LDB2: variants seen among roughly 807,000 people sequenced by gnomAD.
LDB2 encodes LIM domain-binding protein 2.
Under a neutral mutation model 44.3 loss-of-function variants are expected in LDB2, and 12 were observed. That is an observed-to-expected ratio of 0.27 (90% CI 0.17 to 0.44). The LOEUF (loss-of-function observed/expected upper bound fraction) is 0.44. LDB2 is among the 20% of genes least tolerant of loss of function. LDB2 has a pLI of 1.00. For synonymous variants in LDB2, 164 were observed against 174.8 expected (o/e 0.94, Z 0.49); for missense variants, 344 against 473.5 (o/e 0.73, Z 2.54).
intron 1 of LDB2, among the ~76,000 whole-genome samples, chr4:16,791,634 C>T (rs571958660): frequency 2.7e-5 from 4 of 150,658 alleles, no homozygotes; most frequent in Non-Finnish European, 5.9e-5. Context: ...TAATCTTCCC[C>T]AGGCTTTAGA....
intron 2 of LDB2, among the ~76,000 whole-genome samples, chr4:16,623,131 A>G (rs533937991): frequency 3.3e-5 from 5 of 152,342 alleles, no homozygotes; most frequent in Middle Eastern, 3.4e-3. Flanking sequence ...TTCAATAAAT[A>G]TTCTTTGAAT....
At chr4:16,796,618 G>C (rs977260559) in intron 1 of LDB2, among the ~76,000 whole-genome samples, 4 of 152,034 alleles carry the variant, frequency 2.6e-5, no homozygotes, top group African/African-American at 4.8e-5. Flanking sequence ...GCTTGGGCTT[G>C]GGCTTAGTGA....
intron 3 of LDB2, among the ~76,000 whole-genome samples, chr4:16,590,767 C>A (rs1316364520): frequency 6.6e-6 from 1 of 152,202 alleles, no homozygotes; most frequent in Non-Finnish European, 1.5e-5. Context: ...GGCATGTGGG[C>A]ACATTGCCTC....
chr4:16,640,120 T>C (rs1734726134), intron 2 of LDB2, among the ~76,000 whole-genome samples: 1 of 152,254 alleles, frequency 6.6e-6, no homozygotes, highest in South Asian at 2.1e-4. Flanking sequence ...TTCTCCTTTG[T>C]AGTAGTTATG....
At chr4:16,645,453 C>T (rs1014224729) in intron 2 of LDB2, among the ~76,000 whole-genome samples, 1 of 146,604 alleles carries the variant, frequency 6.8e-6, no homozygotes, top group Non-Finnish European at 1.5e-5. Context: ...AGGAGAATGG[C>T]GTGAACCCGG....
chr4:16,803,148 C>T (rs35367718), intron 1 of LDB2, among the ~76,000 whole-genome samples: 16,391 of 152,098 alleles, frequency 0.11, 939 homozygotes, highest in South Asian at 0.19. Flanking sequence ...GTGCATTGGG[C>T]GAATATCACT....
chr4:16,586,778 T>C (rs1717137305), intron 4 of LDB2, among the ~76,000 whole-genome samples: 1 of 152,198 alleles, frequency 6.6e-6, no homozygotes, highest in Admixed American at 6.5e-5. Context: ...AAAATGACTC[T>C]CTTGGTTGAT....
chr4:16,586,104 A>G (rs1414627177), intron 4 of LDB2, 99 bp from the exon 5 acceptor site: 1 of 881,390 alleles, frequency 1.1e-6, no homozygotes, highest in Admixed American at 2.0e-5. Flanking sequence ...CAATCTCGAC[A>G]TTGTTGATTT....
chr4:16,780,999 T>C (rs1231043344), intron 1 of LDB2, among the ~76,000 whole-genome samples: 1 of 152,146 alleles, frequency 6.6e-6, no homozygotes, highest in Admixed American at 6.6e-5. Context: ...TCTGGGCATC[T>C]CTGGGGTTTA....
chr4:16,896,257 A>G (rs1346924756), intron 1 of LDB2, among the ~76,000 whole-genome samples: 3 of 152,208 alleles, frequency 2.0e-5, no homozygotes, highest in Non-Finnish European at 4.4e-5. Context: ...AATCTTTAAA[A>G]GTAATACCCC....
At chr4:16,871,795 A>T (rs867084621) in intron 1 of LDB2, among the ~76,000 whole-genome samples, 31 of 151,742 alleles carry the variant, frequency 2.0e-4, no homozygotes, top group African/African-American at 7.5e-4. Flanking sequence ...TAATTTTTGT[A>T]TTTTTTAGTA....
intron 1 of LDB2, among the ~76,000 whole-genome samples, chr4:16,775,873 A>G (rs1771773186): frequency 1.3e-5 from 2 of 152,200 alleles, no homozygotes; most frequent in African/African-American, 4.8e-5. Flanking sequence ...GACTGACTGA[A>G]GCGAAGCCTC....
At chr4:16,756,359 C>T (rs983696333) in intron 2 of LDB2, among the ~76,000 whole-genome samples, 1 of 152,042 alleles carries the variant, frequency 6.6e-6, no homozygotes, top group Non-Finnish European at 1.5e-5. Flanking sequence ...GAGGCTAAGT[C>T]AGGAGGATCA....
At chr4:16,650,580 T>A (rs1738002587) in intron 2 of LDB2, among the ~76,000 whole-genome samples, 2 of 152,238 alleles carry the variant, frequency 1.3e-5, no homozygotes, top group Non-Finnish European at 2.9e-5. Context: ...ACTCTACTTA[T>A]AACATTTAAT....
chr4:16,825,497 G>A (rs922910819), intron 1 of LDB2, among the ~76,000 whole-genome samples: 3 of 152,106 alleles, frequency 2.0e-5, no homozygotes, highest in Admixed American at 1.3e-4. Flanking sequence ...CACATAATGC[G>A]GGTAAAGAAG....
At chr4:16,745,394 C>T (rs1263988335) in intron 2 of LDB2, among the ~76,000 whole-genome samples, 1 of 152,198 alleles carries the variant, frequency 6.6e-6, no homozygotes, top group Non-Finnish European at 1.5e-5. Context: ...CAAGCGTGAA[C>T]TTTCTGAGCT....
At chr4:16,881,309 ACTTAT>A (rs1720023736) in intron 1 of LDB2, among the ~76,000 whole-genome samples, 1 of 152,176 alleles carries the variant, frequency 6.6e-6, no homozygotes, top group Admixed American at 6.5e-5. Flanking sequence ...TCTCGGCCTC[ACTTAT>A]CTTATCTGAA....
intron 1 of LDB2, among the ~76,000 whole-genome samples, chr4:16,782,565 T>C (rs969864853): frequency 6.6e-6 from 1 of 152,142 alleles, no homozygotes; most frequent in African/African-American, 2.4e-5. Context: ...TTAGCCACGA[T>C]TGTCTCAATC....
intron 2 of LDB2, among the ~76,000 whole-genome samples, chr4:16,647,388 TTA>T (rs1357926394): frequency 6.6e-6 from 1 of 152,178 alleles, no homozygotes; most frequent in Non-Finnish European, 1.5e-5. Flanking sequence ...ATAGCAAAAA[TTA>T]TTGAGTTGTA....
Sources: gnomAD v4.1 joint callset for allele counts (sites outside exome capture counted in the v4.1 genomes callset) on GRCh38, gnomAD v4.1.1 for gene constraint, MANE v1.5 for transcripts, NCBI Gene and HGNC (gene_info 2026-07-23, HGNC 2026-07-21) for gene names.